Variants in ZNF469 observed in about 807,000 individuals in gnomAD.
ZNF469 encodes the protein zinc finger protein 469.
Under a neutral mutation model 1.0 loss-of-function variants are expected in ZNF469, and 1 was observed. That is an observed-to-expected ratio of 1.00 (90% CI 0.35 to 4.73). The LOEUF (loss-of-function observed/expected upper bound fraction) is 4.73, where lower values mean the gene tolerates loss of function less well. Ranked by LOEUF, ZNF469 falls within the 30% of genes most tolerant of loss-of-function variation. The pLI is 0.16. For missense variants in ZNF469, 6,100 were observed against 5,356.3 expected (o/e 1.14, Z -4.33); for synonymous variants, 2,703 against 2,363.4 (o/e 1.14, Z -4.17).
chr16:88,369,298 C>T, the ZNF469 span, among the ~76,000 whole-genome samples: 50 of 152,290 alleles, frequency 3.3e-4, no homozygotes, highest in Admixed American at 1.1e-3. Flanking sequence ...GCCCTTGGGA[C>T]GCCACATGCA....
At chr16:88,391,220 A>G (rs1400284613) in intron 1 of ZNF469, among the ~76,000 whole-genome samples, 1 of 152,252 alleles carries the variant, frequency 6.6e-6, no homozygotes, top group African/African-American at 2.4e-5. Flanking sequence ...GTGCTGAGGC[A>G]GCACAGGGCA....
chr16:88,207,717 G>A, the ZNF469 span, among the ~76,000 whole-genome samples: 4 of 148,140 alleles, frequency 2.7e-5, no homozygotes, highest in African/African-American at 7.4e-5. Context: ...TGGCTTCCTC[G>A]GCTTGTGGCC....
the ZNF469 span, among the ~76,000 whole-genome samples, chr16:88,132,633 T>C: frequency 1.3e-5 from 2 of 152,168 alleles, no homozygotes; most frequent in Non-Finnish European, 2.9e-5. Flanking sequence ...TCACATTCTT[T>C]CCTGTGCTCT....
chr16:88,230,879 C>T, the ZNF469 span, among the ~76,000 whole-genome samples: 1 of 151,948 alleles, frequency 6.6e-6, no homozygotes, highest in Non-Finnish European at 1.5e-5. Context: ...CTGGCAGAGG[C>T]CCGGGCTCTC....
At chr16:88,206,442 C>T in the ZNF469 span, among the ~76,000 whole-genome samples, 1 of 152,160 alleles carries the variant, frequency 6.6e-6, no homozygotes, top group African/African-American at 2.4e-5. Flanking sequence ...CAAGCAGAGG[C>T]CCTTTCATAA....
the ZNF469 span, among the ~76,000 whole-genome samples, chr16:88,245,924 C>T: frequency 6.6e-6 from 1 of 152,286 alleles, no homozygotes. Flanking sequence ...CAGTACATAG[C>T]CCGGGGACAT....
Position 88,438,712 on chromosome 16 carries a change from A to C in ZNF469, c.11242A>C (p.Ser3748Arg). ...CCCCGGCACCAAGACAGGAGGTGGC[A>C]GCCAGCCCCAGCCAGCCAGCGGGCA... is the stretch of plus-strand genomic sequence containing the variant. ...PRPGTKTGGG[S>R]QPQPASGQLQ... Residue 3748 changes from serine to arginine, a missense_variant, in exon 3 of 3, where the codon AGC becomes CGC. Physicochemically the swap from Ser to Arg is moderately radical, Grantham distance 110. Transcript: ENST00000565624. 1 of 1,549,984 alleles carries C rather than the reference A, an allele frequency of 6.5e-7. No individual in the cohort carries two copies. Among genetic ancestry groups the C allele is most frequent in the Non-Finnish European group, 8.7e-7 (1 of 1,146,828 alleles).
At chr16:88,212,957 T>C in the ZNF469 span, among the ~76,000 whole-genome samples, 1 of 152,242 alleles carries the variant, frequency 6.6e-6, no homozygotes, top group Admixed American at 6.5e-5. Context: ...TAGTTTTAAA[T>C]TTTACATCAC....
chr16:88,205,157 T>A, the ZNF469 span, among the ~76,000 whole-genome samples: 1 of 152,162 alleles, frequency 6.6e-6, no homozygotes, highest in Non-Finnish European at 1.5e-5. This position sits in a 1 kb window ranked among gnomAD's most constrained non-coding sequence, Gnocchi z 4.2. Context: ...GCCACAGGAA[T>A]CCTCAGGAGC....
At chr16:88,227,049 G>A in the ZNF469 span, among the ~76,000 whole-genome samples, 10 of 133,386 alleles carry the variant, frequency 7.5e-5, no homozygotes, top group African/African-American at 1.9e-4. Flanking sequence ...TGCCTCCTCC[G>A]CGCCGGGGCC....
chr16:88,387,845 G>A (rs527266831), intron 1 of ZNF469, among the ~76,000 whole-genome samples: 69 of 152,266 alleles, frequency 4.5e-4, no homozygotes, highest in African/African-American at 1.5e-3. Context: ...GCCCCCCGCC[G>A]TGGAGGAACC....
chr16:88,399,406 G>A (rs956924594), intron 1 of ZNF469, among the ~76,000 whole-genome samples: 1 of 152,200 alleles, frequency 6.6e-6, no homozygotes, highest in Non-Finnish European at 1.5e-5. Flanking sequence ...CAGAGTCACA[G>A]CTACAAGATG....
chr16:88,156,747 G>A, the ZNF469 span, among the ~76,000 whole-genome samples: 1 of 152,128 alleles, frequency 6.6e-6, no homozygotes, highest in Non-Finnish European at 1.5e-5. Context: ...GGAGGGACTT[G>A]AGGTGCTGCT....
the ZNF469 span, among the ~76,000 whole-genome samples, chr16:88,122,450 C>T: frequency 7.3e-4 from 106 of 146,184 alleles, no homozygotes; most frequent in African/African-American, 2.5e-3. Context: ...TCACTCGCTA[C>T]GGCCACGGCA....
At chr16:88,333,759 C>T in the ZNF469 span, among the ~76,000 whole-genome samples, 1 of 139,256 alleles carries the variant, frequency 7.2e-6, no homozygotes, top group Non-Finnish European at 1.6e-5. Flanking sequence ...GTAAAGATCC[C>T]GAGGAGAATA....
the ZNF469 span, among the ~76,000 whole-genome samples, chr16:88,243,006 G>A: frequency 2.6e-5 from 4 of 152,232 alleles, no homozygotes; most frequent in Admixed American, 6.5e-5. Flanking sequence ...TGATGCGGTG[G>A]GGGATGTCTA....
rs753078494 is a variant in ZNF469, at chr16:88,437,861, G to A, written c.10391G>A (p.Arg3464Gln). 3.8e-5 allele frequency: 59 copies of A among 1,538,590 alleles called. No individual in the cohort carries two copies. Among genetic ancestry groups the A allele is most frequent in the Admixed American group, 5.9e-5 (3 of 50,656 alleles). ...CCGGGAGCGCCGGGACAGAAGGCCCGGGCCCTCGAGGGCACACTGCCCAGC... is the reference window on the plus strand; with the variant it reads ...CCGGGAGCGCCGGGACAGAAGGCCCAGGCCCTCGAGGGCACACTGCCCAGC... The part of the protein sequence containing the change: ...RRPGAPGQKA[R>Q]ALEGTLPSKR... The change falls in exon 3 of 3, where the codon CGG becomes CAG. Residue 3464 changes from arginine to glutamine, a missense_variant. Coordinates refer to ENST00000565624, the MANE Select transcript of ZNF469 (RefSeq NM_001367624.2).
chr16:88,366,231 C>T, the ZNF469 span, among the ~76,000 whole-genome samples: 6 of 151,678 alleles, frequency 4.0e-5, no homozygotes, highest in African/African-American at 1.5e-4. Flanking sequence ...CCATCATAAT[C>T]GTCACCACAA....
At chr16:88,228,264 G>A in the ZNF469 span, among the ~76,000 whole-genome samples, 26 of 152,364 alleles carry the variant, frequency 1.7e-4, no homozygotes, top group Middle Eastern at 0.014. Context: ...TGCCGGCTTC[G>A]CAGGCTCCGA....
Sources: gnomAD v4.1 joint callset for allele counts (sites outside exome capture counted in the v4.1 genomes callset) on GRCh38, gnomAD v4.1.1 for gene constraint, Gnocchi (gnomAD v3.1) non-coding constraint, MANE v1.5 for transcripts, NCBI Gene and HGNC (gene_info 2026-07-23, HGNC 2026-07-21) for gene names.